ROBO2: variants seen among roughly 807,000 people sequenced by gnomAD.
ROBO2 encodes the protein roundabout guidance receptor 2.
Under a neutral mutation model 160.8 loss-of-function variants are expected in ROBO2, and 53 were observed. That is an observed-to-expected ratio of 0.33 (90% CI 0.26 to 0.41). The LOEUF is 0.41. Among genes scored for constraint, ROBO2 ranks in the 10% least tolerant of loss-of-function variants. The pLI is 1.00. For synonymous variants in ROBO2, 664 were observed against 611.7 expected (o/e 1.09, Z -1.26); for missense variants, 1,577 against 1,722.4 (o/e 0.92, Z 1.49).
Position 77,180,416 on chromosome 3 carries a change from C to CTA in ROBO2, c.388+82090_388+82091dup, listed in dbSNP as rs71104657. ...TCTCTCTCTCTCTCTCTCTCTCTCT[C>CTA]TATATATATATATATGTATTTTTTT... On this transcript the variant is annotated intron_variant, in intron 2 of 25. Coordinates refer to ENST00000461745, the Ensembl canonical transcript of ROBO2. 7.5e-3 allele frequency among the ~76,000 whole-genome samples: 676 copies of CTA among 90,690 alleles called. 9 individuals carry two copies. The highest frequency in any genetic ancestry group is 0.022 in the African/African-American group (576 of 26,004). The allele number at this position is 90,690 out of a possible 152,430, so 59.5% of individuals were successfully genotyped here. A position where few individuals can be genotyped will look rare whatever the true frequency, so the allele number is the denominator to read the frequency against.
At chr3:77,515,406 A>C (rs2153620675) in intron 5 of ROBO2, among the ~76,000 whole-genome samples, 1 of 151,856 alleles carries the variant, frequency 6.6e-6, no homozygotes, top group Admixed American at 6.6e-5. Flanking sequence ...TCAAATCTGT[A>C]TGTTAAAAAT....
chr3:76,025,427 AGAAGT>A (rs1559844444), intron 2 of ROBO2, among the ~76,000 whole-genome samples: 1 of 151,718 alleles, frequency 6.6e-6, no homozygotes, highest in Non-Finnish European at 1.5e-5. Flanking sequence ...AGGAAAAACT[AGAAGT>A]GAAGGGCAGG....
intron 2 of ROBO2, among the ~76,000 whole-genome samples, chr3:77,105,717 AC>A (rs2072704242): frequency 6.6e-6 from 1 of 152,184 alleles, no homozygotes. Flanking sequence ...CTCTCTCTCA[AC>A]AAGTCTCAAG....
intron 2 of ROBO2, among the ~76,000 whole-genome samples, chr3:76,079,522 C>T (rs1456680619): frequency 7.2e-5 from 10 of 138,872 alleles, no homozygotes; most frequent in East Asian, 4.2e-4. Context: ...CTCGCTCTGT[C>T]GCCCAAGCTG....
intron 2 of ROBO2, among the ~76,000 whole-genome samples, chr3:77,110,694 T>G (rs115737791): frequency 0.12 from 17,848 of 148,700 alleles, 1,158 homozygotes; most frequent in East Asian, 0.2. Flanking sequence ...CATATATATA[T>G]ATAGAGAGAG....
At chr3:76,478,477 C>T (rs139706151) in intron 2 of ROBO2, among the ~76,000 whole-genome samples, 1 of 151,894 alleles carries the variant, frequency 6.6e-6, no homozygotes, top group African/African-American at 2.4e-5. Context: ...ACTGGCTAGC[C>T]ATACGTAGAA....
intron 2 of ROBO2, among the ~76,000 whole-genome samples, chr3:76,452,688 T>C (rs1235277865): frequency 6.6e-6 from 1 of 152,166 alleles, no homozygotes; most frequent in African/African-American, 2.4e-5. Context: ...GGGTATATAC[T>C]CAGTAATGGG....
At chr3:77,529,555 A>T (rs183065599) in intron 6 of ROBO2, among the ~76,000 whole-genome samples, 197 of 151,944 alleles carry the variant, frequency 1.3e-3, no homozygotes, top group Non-Finnish European at 2.4e-3. Context: ...TATGTTAATA[A>T]TTTCCAATAT....
At chr3:75,946,347 G>T (rs1948291969) in intron 2 of ROBO2, among the ~76,000 whole-genome samples, 2 of 151,976 alleles carry the variant, frequency 1.3e-5, no homozygotes, top group Non-Finnish European at 2.9e-5. Flanking sequence ...TCAATAAATG[G>T]CTATTTATAG....
chr3:77,282,699 C>A (rs2060320287), intron 2 of ROBO2, among the ~76,000 whole-genome samples: 1 of 151,946 alleles, frequency 6.6e-6, no homozygotes, highest in Non-Finnish European at 1.5e-5. Context: ...TGCACAAAGT[C>A]ATAAATTAAA....
intron 1 of ROBO2, among the ~76,000 whole-genome samples, chr3:75,928,711 T>C (rs997565328): frequency 6.6e-5 from 10 of 152,230 alleles, no homozygotes; most frequent in African/African-American, 2.4e-4. Context: ...CTGATGATTA[T>C]AGAACGATCT....
intron 5 of ROBO2, among the ~76,000 whole-genome samples, chr3:77,505,649 T>C (rs577217931): frequency 6.6e-6 from 1 of 152,276 alleles, no homozygotes; most frequent in Non-Finnish European, 1.5e-5. Context: ...GGTGTTAAAA[T>C]ATAAAAATGT....
chr3:76,627,150 A>T (rs2089704402), intron 2 of ROBO2, among the ~76,000 whole-genome samples: 1 of 152,204 alleles, frequency 6.6e-6, no homozygotes, highest in Non-Finnish European at 1.5e-5. Flanking sequence ...TAACATGCAT[A>T]GATAAGCACA....
At chr3:77,624,077 T>G (rs2094955814) in intron 23 of ROBO2, among the ~76,000 whole-genome samples, 1 of 152,160 alleles carries the variant, frequency 6.6e-6, no homozygotes, top group Non-Finnish European at 1.5e-5. Context: ...AGTCTGGTTT[T>G]CTCCTTGAAT....
At chr3:76,735,260 A>C (rs535935880) in intron 2 of ROBO2, among the ~76,000 whole-genome samples, 111 of 152,354 alleles carry the variant, frequency 7.3e-4, no homozygotes, top group African/African-American at 2.5e-3. Flanking sequence ...CAAGCCAAAC[A>C]AAAGAATGAA....
At chr3:77,334,853 G>C (rs2066328903) in intron 2 of ROBO2, among the ~76,000 whole-genome samples, 1 of 152,130 alleles carries the variant, frequency 6.6e-6, no homozygotes, top group Non-Finnish European at 1.5e-5. Context: ...GTCCATAAGA[G>C]AATTTCCTGT....
chr3:77,504,257 C>G (rs2088121256), intron 5 of ROBO2, among the ~76,000 whole-genome samples: 2 of 152,160 alleles, frequency 1.3e-5, no homozygotes, highest in Admixed American at 6.5e-5. Flanking sequence ...TACCATTCAA[C>G]TCATTCATCA....
intron 2 of ROBO2, among the ~76,000 whole-genome samples, chr3:75,970,842 A>G (rs1231026078): frequency 1.3e-5 from 2 of 151,218 alleles, no homozygotes; most frequent in African/African-American, 4.8e-5. Flanking sequence ...TCTTATATCT[A>G]GTTGCATGTT....
intron 2 of ROBO2, among the ~76,000 whole-genome samples, chr3:76,841,524 G>T (rs1160253131): frequency 2.6e-5 from 4 of 152,062 alleles, no homozygotes; most frequent in African/African-American, 9.7e-5. Context: ...TTTTTCCTGT[G>T]GAAGAACTTT....
Sources: allele counts gnomAD v4.1 joint callset (sites outside exome capture counted in the v4.1 genomes callset), GRCh38; gene constraint gnomAD v4.1.1; transcripts MANE v1.5; gene names NCBI Gene and HGNC (gene_info 2026-07-23, HGNC 2026-07-21).